Variants in SUSD6 observed in about 807,000 individuals in gnomAD.
SUSD6 encodes sushi domain-containing protein 6.
In SUSD6, 16 loss-of-function variants were observed where a neutral mutation model predicts 28.4. The observed-to-expected ratio is 0.56, with a 90% CI of 0.38 to 0.86. The LOEUF is 0.86. Ranked by LOEUF, SUSD6 falls within the 40% of genes least tolerant of loss-of-function variation. SUSD6 has a pLI of 0.00. For synonymous variants in SUSD6, 147 were observed against 159.6 expected, an observed-to-expected ratio of 0.92 and a Z score of 0.59; for missense variants, 341 against 384.2, an observed-to-expected ratio of 0.89 and a Z score of 0.94.
chr14:69,678,461 A>G (rs1467460897), intron 2 of SUSD6, among the ~76,000 whole-genome samples: 1 of 152,088 alleles, frequency 6.6e-6, no homozygotes, highest in African/African-American at 2.4e-5. Flanking sequence ...ATTTATAACC[A>G]TTCTCTCACT....
intron 2 of SUSD6, among the ~76,000 whole-genome samples, chr14:69,697,776 C>T (rs1886247573): frequency 6.6e-6 from 1 of 152,208 alleles, no homozygotes; most frequent in Admixed American, 6.5e-5. Context: ...TGAATGATCA[C>T]CTAGCCAGAA....
At chr14:69,674,182 A>G (rs139704142) in intron 2 of SUSD6, among the ~76,000 whole-genome samples, 263 of 152,226 alleles carry the variant, frequency 1.7e-3, no homozygotes, top group African/African-American at 6.0e-3. Context: ...GTGCCTGCCT[A>G]TCTTACCCCA....
chr14:69,653,946 T>C (rs1181767420), intron 1 of SUSD6, among the ~76,000 whole-genome samples: 1 of 152,188 alleles, frequency 6.6e-6, no homozygotes, highest in African/African-American at 2.4e-5. Context: ...CTCTGTTTTA[T>C]TTCTGAAGCA....
chr14:69,671,314 G>C (rs570822508), intron 2 of SUSD6, among the ~76,000 whole-genome samples: 1 of 152,176 alleles, frequency 6.6e-6, no homozygotes, highest in African/African-American at 2.4e-5. Flanking sequence ...GAGAGGATTG[G>C]GGATGAGAAG....
At position 69,708,906 on chromosome 14, in the gene SUSD6, G is replaced by A; in HGVS notation, c.688G>A (p.Asp230Asn). Residue 230 changes from aspartate (D) to asparagine (N), a missense_variant, in exon 5 of 6, where the codon GAT becomes AAT. Physicochemically the swap from Asp to Asn is conservative, Grantham distance 23 (BLOSUM62 1). Coordinates refer to ENST00000342745, the MANE Select transcript of SUSD6 (RefSeq NM_014734.4). ...QGACSSAGGE[D>N]EAPGQSGLCE... The stretch of plus-strand genomic sequence containing the variant: ...GGCCTGCTCCTCTGCAGGTGGAGAA[G>A]ATGAGGCCCCAGGCCAGTCTGGACT... 6.2e-7 allele frequency: 1 copy of A among 1,614,188 alleles called. No individual in the cohort carries two copies.
intron 2 of SUSD6, 65 bp downstream of exon 2, chr14:69,658,778 G>A (rs921624845): frequency 6.2e-7 from 1 of 1,605,864 alleles, no homozygotes; most frequent in Non-Finnish European, 8.5e-7. Context: ...TTCTCTCGAA[G>A]ACTAGGACAG....
At chr14:69,700,519 G>T (rs897582431) in intron 2 of SUSD6, among the ~76,000 whole-genome samples, 2 of 151,974 alleles carry the variant, frequency 1.3e-5, no homozygotes, top group East Asian at 3.9e-4. Flanking sequence ...TTATTTTTTT[G>T]GACTTTTAAA....
chr14:69,707,072 A>G (rs1172127990), intron 4 of SUSD6, among the ~76,000 whole-genome samples: 1 of 152,202 alleles, frequency 6.6e-6, no homozygotes, highest in Non-Finnish European at 1.5e-5. Flanking sequence ...AACAGATTAA[A>G]TGAGATGAAA....
rs759400243 is a variant in SUSD6 at position 69,691,225 on chromosome 14, C to T, written c.122-12170C>T. Among the ~76,000 whole-genome samples, 257 of 152,256 alleles carry T rather than the reference C, an allele frequency of 1.7e-3. 1 individual carries two copies. The highest frequency in any genetic ancestry group is 2.1e-3 in the Non-Finnish European group (145 of 68,022). On this transcript the variant is annotated intron_variant, in intron 2 of 5. Coordinates refer to ENST00000342745, the MANE Select transcript of SUSD6 (RefSeq NM_014734.4). ...GGACTTGGTGGTGTGCACCTGTAAT[C>T]CCAGCTACACAAGAGGCTGAGGCAT...
intron 1 of SUSD6, chr14:69,617,369 T>C (rs1595028212): frequency 6.6e-6 from 1 of 152,224 alleles, no homozygotes; most frequent in Non-Finnish European, 1.5e-5. Flanking sequence ...TGCAGTTTGT[T>C]TGAGGAAGAA....
chr14:69,630,639 A>G (rs1324255225), intron 1 of SUSD6, among the ~76,000 whole-genome samples: 1 of 152,132 alleles, frequency 6.6e-6, no homozygotes, highest in Non-Finnish European at 1.5e-5. Context: ...AGACCCAGGC[A>G]GCGTGCTTCA....
intron 1 of SUSD6, among the ~76,000 whole-genome samples, chr14:69,620,846 G>T (rs1275728421): frequency 6.6e-6 from 1 of 152,208 alleles, no homozygotes; most frequent in Non-Finnish European, 1.5e-5. Context: ...GAAAAAAGGA[G>T]ATGTGGGTTC....
intron 1 of SUSD6, among the ~76,000 whole-genome samples, chr14:69,633,144 A>G (rs577502586): frequency 3.3e-5 from 5 of 152,212 alleles, no homozygotes; most frequent in Non-Finnish European, 7.3e-5. Context: ...GTTGAACTGG[A>G]TTAGGTCAGG....
rs546412723 is a variant in SUSD6 at position 69,654,583 on chromosome 14, G to A, written c.-80-3930G>A. On this transcript the variant is annotated intron_variant, in intron 1 of 5. Transcript: ENST00000342745. ...TTGTTTTAATGGCAGTTTGTTGAGAGAGGAGACAAGTGGTCTATAGGAAGG... is the reference window on the plus strand; with the variant it reads ...TTGTTTTAATGGCAGTTTGTTGAGAAAGGAGACAAGTGGTCTATAGGAAGG... Among the ~76,000 whole-genome samples the A allele has an allele frequency of 1.0e-3, 159 of 152,248 alleles. 1 individual carries two copies. The highest frequency in any genetic ancestry group is 3.7e-3 in the African/African-American group (154 of 41,532).
intron 2 of SUSD6, among the ~76,000 whole-genome samples, chr14:69,695,677 T>C (rs1886214521): frequency 6.6e-6 from 1 of 152,168 alleles, no homozygotes; most frequent in Non-Finnish European, 1.5e-5. Context: ...CTTCTGGGGT[T>C]CAAATCCTAA....
At chr14:69,675,749 G>C (rs1001121920) in intron 2 of SUSD6, among the ~76,000 whole-genome samples, 2 of 152,054 alleles carry the variant, frequency 1.3e-5, no homozygotes, top group Non-Finnish European at 2.9e-5. Flanking sequence ...ATTCAACCTA[G>C]GCCTTCCCAT....
At chr14:69,673,741 T>A (rs1885867288) in intron 2 of SUSD6, among the ~76,000 whole-genome samples, 1 of 151,992 alleles carries the variant, frequency 6.6e-6, no homozygotes, top group African/African-American at 2.4e-5. Context: ...CATTTTCGGA[T>A]GCCTTTCCTC....
rs539408256 is a variant in SUSD6 at position 69,666,313 on chromosome 14, T to C, written c.121+7600T>C. 2.6e-5 allele frequency among the ~76,000 whole-genome samples: 4 copies of C among 152,322 alleles called. No individual in the cohort carries two copies. The East Asian group carries it at 5.8e-4, about 22-fold the overall frequency. On this transcript the variant is annotated intron_variant, in intron 2 of 5. Coordinates refer to ENST00000342745, the MANE Select transcript of SUSD6 (RefSeq NM_014734.4). ...CTAAGTGATCTCACTGTGAACTATT[T>C]GTTCTCTTCAGGGAGGCTACCCTGT...
chr14:69,655,088 C>G (rs1026492054), intron 1 of SUSD6, among the ~76,000 whole-genome samples: 1 of 151,874 alleles, frequency 6.6e-6, no homozygotes, highest in Non-Finnish European at 1.5e-5. Context: ...CCACTGTGCC[C>G]GGCAGTTACC....
Sources: allele counts gnomAD v4.1 joint callset (sites outside exome capture counted in the v4.1 genomes callset), GRCh38; gene constraint gnomAD v4.1.1; transcripts MANE v1.5; gene names NCBI Gene and HGNC (gene_info 2026-07-23, HGNC 2026-07-21).